Variants in OTOG observed in about 807,000 individuals in gnomAD.
OTOG encodes otogelin.
In OTOG, 296 loss-of-function variants were observed where a neutral mutation model predicts 313.8. The observed-to-expected ratio is 0.94, with a 90% CI of 0.86 to 1.04. OTOG has a LOEUF of 1.04. Ranked by LOEUF, OTOG falls within the 50% of genes least tolerant of loss-of-function variation. The pLI is 0.00. For synonymous variants in OTOG, 1,533 were observed against 1,554.9 expected (o/e 0.99, Z 0.33); for missense variants, 3,948 against 3,840.1 (o/e 1.03, Z -0.74).
At chr11:17,629,439 G>T in intron 40 of OTOG, 123 bp downstream of exon 40, 1 of 1,158,616 alleles carries the variant, frequency 8.6e-7, no homozygotes, top group Non-Finnish European at 1.2e-6. Context: ...TGGAGCAGCA[G>T]AGCTGTCAGG....
rs560554139 is a variant in OTOG at position 17,562,037 on chromosome 11, T to TA, written c.1644+240dup. On this transcript the variant is annotated intron_variant, in intron 15 of 55. Coordinates refer to ENST00000399397, the MANE Select transcript of OTOG (RefSeq NM_001292063.2). ...TTTTTGGTTTTAGGATTTTACTACCTAAAAAAAAAATATATATATATATAT... is the reference window on the plus strand; with the variant it reads ...TTTTTGGTTTTAGGATTTTACTACCTAAAAAAAAAAATATATATATATATAT... Among the ~76,000 whole-genome samples the TA allele has an allele frequency of 0.015, 2,001 of 131,784 alleles. 25 individuals carry two copies. The highest frequency in any genetic ancestry group is 0.027 in the Middle Eastern group (7 of 258). 86.5% of individuals were successfully genotyped at this position (131,784 alleles called of 152,430 possible).
In OTOG at chr11:17,572,104, C is replaced by G. The variant is rs1852417339; in HGVS notation, c.1980C>G (p.Ser660Arg). 1 of 1,550,422 alleles carries G rather than the reference C, an allele frequency of 6.4e-7. No individual in the cohort carries two copies. Among genetic ancestry groups the G allele is most frequent in the Non-Finnish European group, 8.7e-7 (1 of 1,146,952 alleles). Reference protein sequence around the residue: ...DFLSPVGVPESTPQLFGNSWK... With the variant: ...DFLSPVGVPERTPQLFGNSWK... The stretch of plus-strand genomic sequence containing the variant: ...GGTCTCCAGTGGGTGTACCTGAGAG[C>G]ACCCCACAACTTTTTGGCAATTCCT... The change falls in exon 18 of 56, where the codon AGC becomes AGG. Residue 660 changes from serine to arginine, a missense_variant. Ser to Arg is a moderately radical substitution (Grantham distance 110). Transcript: ENST00000399397.
intron 24 of OTOG, among the ~76,000 whole-genome samples, chr11:17,590,578 G>A (rs2134055908): frequency 6.6e-6 from 1 of 152,320 alleles, no homozygotes. Flanking sequence ...CGGTGCGGCA[G>A]CCAGAGTGGA....
At chr11:17,574,600 C>A in intron 19 of OTOG, 120 bp from the exon 20 acceptor site, 2 of 1,035,106 alleles carry the variant, frequency 1.9e-6, no homozygotes, top group Middle Eastern at 2.3e-4. Context: ...TGCTGTGTGA[C>A]CTCAGACAAA....
At chr11:17,586,850 A>G (rs988339646) in intron 24 of OTOG, among the ~76,000 whole-genome samples, 1 of 152,252 alleles carries the variant, frequency 6.6e-6, no homozygotes, top group Non-Finnish European at 1.5e-5. Flanking sequence ...ATTTGTTTGC[A>G]TATTTATATG....
intron 5 of OTOG, 63 bp downstream of exon 5, chr11:17,553,274 A>G: frequency 6.5e-7 from 1 of 1,533,024 alleles, no homozygotes; most frequent in South Asian, 1.2e-5. Context: ...CTAGGGAGAA[A>G]GGGAGCAGCA....
chr11:17,582,629 T>C (rs968870709), intron 23 of OTOG, among the ~76,000 whole-genome samples: 2 of 152,204 alleles, frequency 1.3e-5, no homozygotes, highest in African/African-American at 4.8e-5. Flanking sequence ...TAACACTTGG[T>C]GTTTTCAGTC....
intron 44 of OTOG, 103 bp from the exon 45 acceptor site, chr11:17,634,741 G>A: frequency 1.1e-6 from 1 of 939,570 alleles, no homozygotes; most frequent in Non-Finnish European, 1.6e-6. Flanking sequence ...GGGAGGAGTG[G>A]GGCCAGGCGT....
rs1436895781 is a variant in OTOG at position 17,613,337 on chromosome 11, C to A, written c.6439-275C>A. Among the ~76,000 whole-genome samples, 10 of 110,794 alleles carry A rather than the reference C, an allele frequency of 9.0e-5. 1 individual carries two copies. In the East Asian group the frequency reaches 2.0e-3, roughly 22 times the overall value. 72.7% of individuals were successfully genotyped at this position (110,794 alleles called of 152,430 possible). On this transcript the variant is annotated intron_variant, in intron 38 of 55. Transcript: ENST00000399397. ...TCCCTCTCTGCCCTGCCCTTCCTTCCTTCCTTCCTTCCTTCCTTCCTTCCT... is the reference window on the plus strand; with the variant it reads ...TCCCTCTCTGCCCTGCCCTTCCTTCATTCCTTCCTTCCTTCCTTCCTTCCT...
Position 17,596,303 on chromosome 11 carries a change from T to G in OTOG, c.3525+149T>G, listed in dbSNP as rs1853105600. On this transcript the variant is annotated intron_variant, in intron 29 of 55. Transcript: ENST00000399397. ...TGCCATTCCCCTGCCTCCAGCCAGC[T>G]CAGATGAGTCCGTCCTATTTCCCCA... is the stretch of plus-strand genomic sequence containing the variant. 6.2e-6 allele frequency: 4 copies of G among 648,484 alleles called. No individual in the cohort carries two copies. The South Asian group carries it at 7.4e-5, about 12-fold the overall frequency. The allele number at this position is 648,484 out of a possible 1,614,324, so 40.2% of individuals were successfully genotyped here.
At chr11:17,628,044 T>C (rs936130774) in intron 39 of OTOG, among the ~76,000 whole-genome samples, 3 of 152,078 alleles carry the variant, frequency 2.0e-5, no homozygotes, top group African/African-American at 7.2e-5. Flanking sequence ...TCTTTTGTAT[T>C]TTTTTATTTC....
At chr11:17,588,129 G>A (rs1232128352) in intron 24 of OTOG, among the ~76,000 whole-genome samples, 1 of 152,192 alleles carries the variant, frequency 6.6e-6, no homozygotes, top group Non-Finnish European at 1.5e-5. Flanking sequence ...CATAGGAGAG[G>A]CTGACTGGCC....
chr11:17,644,494 T>C (rs1848035006), intron 54 of OTOG, among the ~76,000 whole-genome samples: 1 of 152,242 alleles, frequency 6.6e-6, no homozygotes, highest in African/African-American at 2.4e-5. Flanking sequence ...GCCAACTATG[T>C]GCCAGACACT....
At chr11:17,634,970 G>T in intron 45 of OTOG, 22 bp downstream of exon 45, 4 of 1,506,240 alleles carry the variant, frequency 2.7e-6, no homozygotes, top group Non-Finnish European at 3.6e-6. Flanking sequence ...GGGGTGGGGA[G>T]GGTGGGGGAC....
intron 24 of OTOG, among the ~76,000 whole-genome samples, chr11:17,588,855 A>C (rs1852867010): frequency 6.6e-6 from 1 of 151,302 alleles, no homozygotes; most frequent in African/African-American, 2.4e-5. Flanking sequence ...AATGCGTCTC[A>C]CCTCACCTTC....
chr11:17,559,101 C>A lies in OTOG; in HGVS notation c.1153C>A (p.Arg385=). Residue 385 remains arginine (R), a synonymous_variant, in exon 11 of 56, where the codon CGG becomes AGG. Coordinates refer to ENST00000399397, the MANE Select transcript of OTOG (RefSeq NM_001292063.2). ...TWCRALAEYA[R]ACAQAGRPLQ... ...GTGCCGGGCACTGGCGGAGTATGCCCGGGCGTGTGCCCAGGCAGGGCGGCC... is the reference window on the plus strand; with the variant it reads ...GTGCCGGGCACTGGCGGAGTATGCCAGGGCGTGTGCCCAGGCAGGGCGGCC... 2 of 1,545,836 alleles carry A rather than the reference C, an allele frequency of 1.3e-6. No homozygotes were observed. Among genetic ancestry groups the A allele is most frequent in the African/African-American group, 1.4e-5 (1 of 73,160 alleles).
At chr11:17,577,057 A>T (rs1565100541) in intron 22 of OTOG, 146 bp downstream of exon 22, 1 of 842,606 alleles carries the variant, frequency 1.2e-6, no homozygotes, top group Non-Finnish European at 1.8e-6. Flanking sequence ...CTCTTGGCAA[A>T]GACTCCAGCT....
Position 17,569,275 on chromosome 11 carries a change from G to C in OTOG, c.1764G>C (p.Pro588=). 1 of 1,550,554 alleles carries C rather than the reference G, an allele frequency of 6.4e-7. No homozygotes were observed. Among genetic ancestry groups the C allele is most frequent in the South Asian group, 1.2e-5 (1 of 84,062 alleles). The change falls in exon 16 of 56, where the codon CCG becomes CCC. Residue 588 remains proline, a synonymous_variant. Transcript: ENST00000399397. The part of the protein sequence containing the change: ...VLLFDQYKII[P]PYTDDAFEIR... ...TGTTTGACCAGTACAAGATCATCCC[G>C]CCATACACAGATGGTACGGTTTGGG... is the stretch of plus-strand genomic sequence containing the variant.
rs186846468 is a variant in OTOG, at chr11:17,642,395, C to T, written c.8415+149C>T. 25 of 1,150,106 alleles carry T rather than the reference C, an allele frequency of 2.2e-5. No individual in the cohort carries two copies. In the African/African-American group the frequency reaches 3.3e-4, roughly 15 times the overall value. 71.2% of individuals were successfully genotyped at this position (1,150,106 alleles called of 1,614,324 possible). ...TGCCACCCCAAATCCATATGTCTCT[C>T]TGCATTTCTTTTTGCCCTGACCACA... is the stretch of plus-strand genomic sequence containing the variant. On this transcript the variant is annotated intron_variant, in intron 53 of 55. Transcript: ENST00000399397.
Sources: allele counts gnomAD v4.1 joint callset (sites outside exome capture counted in the v4.1 genomes callset), GRCh38; gene constraint gnomAD v4.1.1; transcripts MANE v1.5; gene names NCBI Gene and HGNC (gene_info 2026-07-23, HGNC 2026-07-21).